Variants in SORCS2 observed in about 807,000 individuals in gnomAD.
The protein encoded by SORCS2 is VPS10 domain-containing receptor SorCS2.
Under a neutral mutation model 141.6 loss-of-function variants are expected in SORCS2, and 100 were observed. The observed-to-expected ratio is 0.71, with a 90% CI of 0.60 to 0.83. SORCS2 has a LOEUF of 0.83. Among genes scored for constraint, SORCS2 ranks in the 40% least tolerant of loss-of-function variants. The pLI, the probability that SORCS2 is intolerant of heterozygous loss-of-function variation, is 0.00. For synonymous variants in SORCS2, 789 were observed against 676.9 expected (o/e 1.17, Z -2.57); for missense variants, 1,646 against 1,560.2 (o/e 1.05, Z -0.93).
rs35696538 is a variant in SORCS2 at position 7,601,312 on chromosome 4, A to ATT, written c.649-37006_649-37005dup. Among the ~76,000 whole-genome samples the ATT allele has an allele frequency of 6.0e-3, 892 of 148,634 alleles. 11 individuals are homozygous for ATT. Among genetic ancestry groups the ATT allele is most frequent in the African/African-American group, 0.021 (861 of 40,530 alleles). ...TTTTAAACTCCCCAAATTAAACCTC[A>ATT]TTTTTTTTTTTAAGTTATCAAGCAA... On this transcript the variant is annotated intron_variant, in intron 3 of 26. Coordinates refer to ENST00000507866, the MANE Select transcript of SORCS2 (RefSeq NM_020777.3).
intron 2 of SORCS2, among the ~76,000 whole-genome samples, chr4:7,451,487 A>T (rs1728463968): frequency 6.6e-6 from 1 of 152,248 alleles, no homozygotes; most frequent in Admixed American, 6.5e-5. Flanking sequence ...TGCTGGGAAT[A>T]CCCAGCTCTC....
intron 2 of SORCS2, among the ~76,000 whole-genome samples, chr4:7,516,606 T>A (rs1577684584): frequency 6.6e-6 from 1 of 152,246 alleles, no homozygotes; most frequent in South Asian, 2.1e-4. Context: ...CTTGGTGGAA[T>A]GCCCTGGCCT....
At chr4:7,552,541 A>G (rs1008445068) in intron 3 of SORCS2, among the ~76,000 whole-genome samples, 2 of 143,262 alleles carry the variant, frequency 1.4e-5, no homozygotes, top group Admixed American at 7.0e-5. Context: ...AACAGCCAGA[A>G]ACAAAGAGAG....
intron 19 of SORCS2, among the ~76,000 whole-genome samples, chr4:7,724,897 GGTGGTGATAGTATTGGTGGGA>G (rs1727066442): frequency 1.8e-5 from 2 of 112,502 alleles, no homozygotes; most frequent in African/African-American, 4.0e-5. Flanking sequence ...TGTTGGTGAT[GGTGGTGATAGTATTGGTGGGA>G]ATGGATGGTG....
rs140522103 is a variant in SORCS2 at position 7,365,350 on chromosome 4, T to C, written c.481-30938T>C. Among the ~76,000 whole-genome samples, 133 of 151,814 alleles carry C rather than the reference T, an allele frequency of 8.8e-4. No homozygotes were observed. The East Asian group carries it at 0.019, about 22-fold the overall frequency. The stretch of plus-strand genomic sequence containing the variant: ...GGTTTGGGGGTCACTTAGGCATGCA[T>C]GTGGGTGGGGAAGGGGTGTGTGGCG... On this transcript the variant is annotated intron_variant, in intron 1 of 26. Coordinates refer to ENST00000507866, the MANE Select transcript of SORCS2 (RefSeq NM_020777.3).
At chr4:7,485,931 C>G (rs1286646302) in intron 2 of SORCS2, among the ~76,000 whole-genome samples, 1 of 152,184 alleles carries the variant, frequency 6.6e-6, no homozygotes, top group Non-Finnish European at 1.5e-5. Context: ...GTGCTGGCCA[C>G]AGGGAAATGC....
chr4:7,288,018 G>A (rs73796603), intron 1 of SORCS2, among the ~76,000 whole-genome samples: 4,940 of 152,256 alleles, frequency 0.032, 268 homozygotes, highest in African/African-American at 0.11. Context: ...TGCTGTCCCC[G>A]CCGTCGATGG....
intron 2 of SORCS2, among the ~76,000 whole-genome samples, chr4:7,516,004 G>C (rs1266006035): frequency 1.3e-5 from 2 of 152,210 alleles, no homozygotes; most frequent in African/African-American, 4.8e-5. Context: ...GCAGGGTTTA[G>C]GGGCTGGGAC....
chr4:7,477,375 ACCG>A (rs1560316763), intron 2 of SORCS2, among the ~76,000 whole-genome samples: 8 of 34,586 alleles, frequency 2.3e-4, no homozygotes, highest in Admixed American at 1.8e-3. Context: ...ACCGTGGCTG[ACCG>A]TGGCTGATTG....
intron 1 of SORCS2, among the ~76,000 whole-genome samples, chr4:7,215,446 C>T (rs1728283302): frequency 6.6e-6 from 1 of 152,224 alleles, no homozygotes. Flanking sequence ...CCCGAGCCTC[C>T]CTGACGAGCG....
intron 11 of SORCS2, among the ~76,000 whole-genome samples, chr4:7,696,484 G>C (rs924822993): frequency 6.6e-5 from 10 of 152,184 alleles, no homozygotes; most frequent in African/African-American, 2.2e-4. Context: ...GACTCACGTG[G>C]GTTCAGCTTC....
intron 4 of SORCS2, among the ~76,000 whole-genome samples, chr4:7,640,381 AGTGT>A (rs201204175): frequency 2.5e-5 from 3 of 119,530 alleles, no homozygotes; most frequent in Non-Finnish European, 1.8e-5. Context: ...AATGTACATG[AGTGT>A]GTGGGTGTGT....
intron 2 of SORCS2, among the ~76,000 whole-genome samples, chr4:7,473,699 C>A (rs1419487922): frequency 2.0e-5 from 3 of 151,408 alleles, no homozygotes; most frequent in Non-Finnish European, 4.4e-5. Flanking sequence ...CTAGAAGGGC[C>A]TTTTGGGAGG....
intron 3 of SORCS2, among the ~76,000 whole-genome samples, chr4:7,628,444 G>C (rs938641385): frequency 6.6e-6 from 1 of 152,008 alleles, no homozygotes; most frequent in African/African-American, 2.4e-5. Flanking sequence ...GCATGAACCC[G>C]GGAGATGGAG....
chr4:7,220,322 G>A (rs1018454384), intron 1 of SORCS2, among the ~76,000 whole-genome samples: 2 of 152,108 alleles, frequency 1.3e-5, no homozygotes, highest in Admixed American at 6.5e-5. Context: ...AATTGTTTAC[G>A]GGTGAGCTCC....
chr4:7,327,667 G>A (rs1440691545), intron 1 of SORCS2, among the ~76,000 whole-genome samples: 1 of 152,210 alleles, frequency 6.6e-6, no homozygotes, highest in East Asian at 1.9e-4. Flanking sequence ...CCCCTGCAGT[G>A]TCTCCCGGGA....
chr4:7,605,198 T>C (rs1717984723), intron 3 of SORCS2, among the ~76,000 whole-genome samples: 1 of 152,244 alleles, frequency 6.6e-6, no homozygotes, highest in South Asian at 2.1e-4. Context: ...CCAGCCATTG[T>C]CTGCATATCC....
At chr4:7,629,869 G>A (rs150390547) in intron 3 of SORCS2, among the ~76,000 whole-genome samples, 27 of 152,108 alleles carry the variant, frequency 1.8e-4, no homozygotes, top group South Asian at 6.2e-4. Context: ...TCTCTGCAAC[G>A]CGCTGTCGGC....
At chr4:7,520,251 C>A (rs945438881) in intron 2 of SORCS2, among the ~76,000 whole-genome samples, 2 of 152,232 alleles carry the variant, frequency 1.3e-5, no homozygotes, top group South Asian at 2.1e-4. Flanking sequence ...TGGAAAGGAA[C>A]TCTGGCACTG....
Sources: gnomAD v4.1 joint callset for allele counts (sites outside exome capture counted in the v4.1 genomes callset) on GRCh38, gnomAD v4.1.1 for gene constraint, MANE v1.5 for transcripts, NCBI Gene and HGNC (gene_info 2026-07-23, HGNC 2026-07-21) for gene names.